Variants in RPS6KC1 observed in about 807,000 individuals in gnomAD.
RPS6KC1 encodes the protein ribosomal protein S6 kinase C1, also known as inactive ribosomal protein S6 kinase delta-1.
RPS6KC1 carries 54 observed loss-of-function variants against 103.8 expected under a neutral mutation model. That is an observed-to-expected ratio of 0.52 (90% CI 0.42 to 0.65). The LOEUF is 0.65. RPS6KC1 is among the 30% of genes least tolerant of loss of function. RPS6KC1 has a pLI of 0.00. For missense variants in RPS6KC1, 1,151 were observed against 1,253.8 expected (o/e 0.92, Z 1.24); for synonymous variants, 439 against 438.7 (o/e 1.00, Z -0.01).
chr1:213,405,472 A>G, the RPS6KC1 span, among the ~76,000 whole-genome samples: 1 of 152,334 alleles, frequency 6.6e-6, no homozygotes, highest in East Asian at 1.9e-4. Context: ...ATCTCTGAGG[A>G]CAGGAGTCAG....
At chr1:213,816,311 A>C in the RPS6KC1 span, among the ~76,000 whole-genome samples, 1 of 152,366 alleles carries the variant, frequency 6.6e-6, no homozygotes, top group Non-Finnish European at 1.5e-5. Flanking sequence ...ATAAATCTTC[A>C]ATTTGTAAAA....
At chr1:213,073,427 C>T (rs2079045122) in intron 2 of RPS6KC1, among the ~76,000 whole-genome samples, 1 of 152,152 alleles carries the variant, frequency 6.6e-6, no homozygotes, top group Admixed American at 6.5e-5. Context: ...GATCTGTGGC[C>T]TGTCATTCAG....
intron 3 of RPS6KC1, among the ~76,000 whole-genome samples, chr1:213,080,979 A>C (rs138703118): frequency 2.6e-5 from 4 of 152,370 alleles, no homozygotes; most frequent in African/African-American, 9.6e-5. Flanking sequence ...CCAACATAAG[A>C]AAAATGTGTA....
the RPS6KC1 span, among the ~76,000 whole-genome samples, chr1:213,844,398 A>G: frequency 2.2e-4 from 33 of 152,352 alleles, no homozygotes; most frequent in Non-Finnish European, 4.0e-4. Flanking sequence ...ATCCTTAGCA[A>G]ATCAAATGCA....
At chr1:213,150,996 A>AC (rs775626806) in intron 6 of RPS6KC1, among the ~76,000 whole-genome samples, 50 of 121,520 alleles carry the variant, frequency 4.1e-4, no homozygotes, top group Admixed American at 8.0e-4. Flanking sequence ...CAGGGGGCTG[A>AC]CCCCCCCCAC....
chr1:213,104,305 A>C, intron 3 of RPS6KC1, 149 bp from the exon 4 acceptor site: 2 of 464,012 alleles, frequency 4.3e-6, no homozygotes, highest in Non-Finnish European at 3.9e-6. Context: ...TTCTAATTGT[A>C]GAGATTAGAT....
downstream of RPS6KC1, among the ~76,000 whole-genome samples, chr1:213,276,907 G>T (rs1278938994): frequency 6.6e-6 from 1 of 152,116 alleles, no homozygotes. Flanking sequence ...TAACTATGGT[G>T]GTATTTGTAC....
the RPS6KC1 span, among the ~76,000 whole-genome samples, chr1:213,667,373 C>T: frequency 5.3e-5 from 8 of 152,112 alleles, no homozygotes; most frequent in Non-Finnish European, 7.4e-5. Context: ...CTTCCCAGTA[C>T]ATATAAAAGT....
chr1:213,773,997 C>T, the RPS6KC1 span, among the ~76,000 whole-genome samples: 12 of 152,338 alleles, frequency 7.9e-5, no homozygotes, highest in South Asian at 2.5e-3. Context: ...TAAGCCACTG[C>T]TCACTCCATG....
At chr1:213,548,659 C>CA in the RPS6KC1 span, among the ~76,000 whole-genome samples, 1 of 150,604 alleles carries the variant, frequency 6.6e-6, no homozygotes, top group Admixed American at 6.6e-5. Flanking sequence ...GAGTCTGTCT[C>CA]AAAAAAAGAA....
At chr1:213,155,580 C>G (rs1265382116) in intron 6 of RPS6KC1, among the ~76,000 whole-genome samples, 4 of 152,122 alleles carry the variant, frequency 2.6e-5, no homozygotes, top group African/African-American at 9.7e-5. Flanking sequence ...GTTCTCCCTC[C>G]CCCAGACGCT....
intron 8 of RPS6KC1, among the ~76,000 whole-genome samples, chr1:213,193,383 T>G (rs976270485): frequency 2.0e-5 from 3 of 152,124 alleles, no homozygotes; most frequent in African/African-American, 7.2e-5. Context: ...CTCAGTCTCA[T>G]GATTAGTTGG....
At chr1:213,255,847 AC>A (rs2094630055) in intron 12 of RPS6KC1, among the ~76,000 whole-genome samples, 1 of 152,174 alleles carries the variant, frequency 6.6e-6, no homozygotes. Flanking sequence ...TTTATATCTT[AC>A]CTAAATACAG....
chr1:213,485,467 AC>A, the RPS6KC1 span, among the ~76,000 whole-genome samples: 1 of 152,140 alleles, frequency 6.6e-6, no homozygotes, highest in Admixed American at 6.5e-5. Flanking sequence ...TTGATGGGAC[AC>A]CAAAAATGTC....
the RPS6KC1 span, among the ~76,000 whole-genome samples, chr1:213,773,314 C>T: frequency 2.0e-5 from 3 of 151,624 alleles, no homozygotes; most frequent in South Asian, 2.1e-4. Context: ...CTTCTCACCG[C>T]GCACCCCCAA....
At chr1:213,509,340 CT>C in the RPS6KC1 span, among the ~76,000 whole-genome samples, 657 of 146,112 alleles carry the variant, frequency 4.5e-3, 2 homozygotes, top group Middle Eastern at 0.014. Context: ...AGAGTTGATC[CT>C]TTTTTTTTTT....
At chr1:213,343,659 G>C in the RPS6KC1 span, among the ~76,000 whole-genome samples, 3 of 151,298 alleles carry the variant, frequency 2.0e-5, no homozygotes, top group African/African-American at 4.9e-5. Flanking sequence ...GGGTGGGAGG[G>C]GGGTGAGGGA....
At chr1:213,296,085 G>T in the RPS6KC1 span, among the ~76,000 whole-genome samples, 1 of 152,238 alleles carries the variant, frequency 6.6e-6, no homozygotes, top group Non-Finnish European at 1.5e-5. Context: ...AAAGTGCCAT[G>T]CAAATGGATT....
chr1:213,565,658 A>G, the RPS6KC1 span, among the ~76,000 whole-genome samples: 1 of 152,228 alleles, frequency 6.6e-6, no homozygotes, highest in Non-Finnish European at 1.5e-5. Context: ...GGATGATGGT[A>G]CTATTTTATA....
Sources: gnomAD v4.1 joint callset for allele counts (sites outside exome capture counted in the v4.1 genomes callset) on GRCh38, gnomAD v4.1.1 for gene constraint, MANE v1.5 for transcripts, NCBI Gene and HGNC (gene_info 2026-07-23, HGNC 2026-07-21) for gene names.